Variants in USP12 observed in about 807,000 individuals in gnomAD.
USP12 encodes ubiquitin carboxyl-terminal hydrolase 12.
USP12 carries 19 observed loss-of-function variants against 45.5 expected under a neutral mutation model. The observed-to-expected ratio is 0.42, with a 90% confidence interval of 0.29 to 0.61. The LOEUF (loss-of-function observed/expected upper bound fraction) is 0.61, where lower values mean the gene tolerates loss of function less well. Among genes scored for constraint, USP12 ranks in the 20% least tolerant of loss-of-function variants. The pLI is 0.22. For synonymous variants in USP12, 149 were observed against 148.8 expected, an observed-to-expected ratio of 1.00 and a Z score of -0.01; for missense variants, 242 against 447.7, an observed-to-expected ratio of 0.54 and a Z score of 4.15.
intron 1 of USP12, among the ~76,000 whole-genome samples, chr13:27,123,476 C>T (rs768804373): frequency 2.0e-5 from 3 of 152,188 alleles, no homozygotes; most frequent in Admixed American, 6.5e-5. Flanking sequence ...CCATCCAATA[C>T]TAAGAATTTG....
intron 6 of USP12, 123 bp from the exon 7 acceptor site, chr13:27,075,511 C>A: frequency 1.2e-6 from 1 of 818,902 alleles, no homozygotes; most frequent in Admixed American, 2.9e-5. Context: ...CCCAGCAATG[C>A]CCAGTTTTGC....
chr13:27,150,681 G>A (rs1877527213), intron 1 of USP12, among the ~76,000 whole-genome samples: 2 of 152,202 alleles, frequency 1.3e-5, no homozygotes, highest in South Asian at 2.1e-4. Context: ...TATAACTGCA[G>A]TCATGACAGT....
At chr13:27,157,093 C>G (rs933794899) in intron 1 of USP12, among the ~76,000 whole-genome samples, 51 of 152,140 alleles carry the variant, frequency 3.4e-4, no homozygotes, top group Non-Finnish European at 4.6e-4. Context: ...CTAATAATAA[C>G]AAAGTAATCT....
At chr13:27,092,055 T>C (rs1444216194) in intron 4 of USP12, among the ~76,000 whole-genome samples, 1 of 152,218 alleles carries the variant, frequency 6.6e-6, no homozygotes, top group Non-Finnish European at 1.5e-5. Flanking sequence ...TAGGAGTATC[T>C]TGTGATCAGA....
chr13:27,129,945 C>G lies in USP12; in HGVS notation c.49-13349G>C, dbSNP rs1315831199. On this transcript the variant is annotated intron_variant, in intron 1 of 8. Coordinates refer to ENST00000282344, the MANE Select transcript of USP12 (RefSeq NM_182488.4). The surrounding 1 kb of genome is among the most constrained non-coding windows in gnomAD (Gnocchi z 4.0). ...GAGTAGAAAGCTCCCAGGGTTAGTC[C>G]TTCCACCAAAACCATTAAGCTGAAA... 6.6e-6 allele frequency among the ~76,000 whole-genome samples: 1 copy of G among 152,128 alleles called. No individual in the cohort carries two copies. Among genetic ancestry groups the G allele is most frequent in the East Asian group, 1.9e-4 (1 of 5,196 alleles).
chr13:27,170,159 GAACA>G (rs1294852772), intron 1 of USP12: 3 of 396,106 alleles, frequency 7.6e-6, no homozygotes, highest in Middle Eastern at 6.3e-4. Context: ...CTGTGAGAAA[GAACA>G]ATCATCCAGT....
chr13:27,109,307 A>G (rs542823430), intron 2 of USP12, among the ~76,000 whole-genome samples: 3 of 152,238 alleles, frequency 2.0e-5, no homozygotes, highest in African/African-American at 7.2e-5. Context: ...GAACAACTGA[A>G]TATTGTGTGT....
intron 1 of USP12, among the ~76,000 whole-genome samples, chr13:27,162,069 C>T (rs560518571): frequency 3.9e-5 from 6 of 152,110 alleles, no homozygotes; most frequent in Non-Finnish European, 8.8e-5. Context: ...TCCTACAGTC[C>T]ACAGTATCTT....
chr13:27,155,504 G>C (rs9581815), intron 1 of USP12, among the ~76,000 whole-genome samples: 1 of 152,122 alleles, frequency 6.6e-6, no homozygotes, highest in Non-Finnish European at 1.5e-5. Context: ...ATTACAAATA[G>C]AAATACAAAT....
chr13:27,122,494 T>C (rs1017975073), intron 1 of USP12, among the ~76,000 whole-genome samples: 1 of 149,028 alleles, frequency 6.7e-6, no homozygotes, highest in Non-Finnish European at 1.5e-5. Flanking sequence ...TTACCGAAAA[T>C]ACAAAAAACT....
intron 1 of USP12, among the ~76,000 whole-genome samples, chr13:27,171,184 G>A (rs552628336): frequency 3.1e-4 from 47 of 149,694 alleles, no homozygotes; most frequent in African/African-American, 1.1e-3. Flanking sequence ...ACCCCGGCCC[G>A]GGGCCGCGCT....
At position 27,067,487 on chromosome 13, in the gene USP12, G is replaced by C. The variant is rs1315815210; in HGVS notation, c.*1796C>G. Reference sequence around the variant, plus strand: ...AAGGCTTTAGGAACTATCTTAAAAAGAAACTTGTCAAAATACTTTTTGATA... The same window carrying C: ...AAGGCTTTAGGAACTATCTTAAAAACAAACTTGTCAAAATACTTTTTGATA... On this transcript the variant is annotated 3_prime_UTR_variant, in exon 9 of 9. Coordinates refer to ENST00000282344, the MANE Select transcript of USP12 (RefSeq NM_182488.4). The C allele has an allele frequency of 6.6e-6, 1 of 152,048 alleles. No individual in the cohort carries two copies. The highest frequency in any genetic ancestry group is 6.5e-5 in the Admixed American group (1 of 15,270). 9.4% of individuals were successfully genotyped at this position (152,048 alleles called of 1,614,324 possible). A position where few individuals can be genotyped will look rare whatever the true frequency, so the allele number is the denominator to read the frequency against.
Position 27,083,872 on chromosome 13 carries a change from A to G in USP12, c.734+6011T>C, listed in dbSNP as rs529993224. 3.9e-3 allele frequency among the ~76,000 whole-genome samples: 566 copies of G among 146,522 alleles called. 45 individuals are homozygous for G. In the South Asian group the frequency reaches 0.11, roughly 30 times the overall value. On this transcript the variant is annotated intron_variant, in intron 6 of 8. Transcript: ENST00000282344. The stretch of plus-strand genomic sequence containing the variant: ...TTTTTGGGAGAATATATATATATAT[A>G]TATTTTTTTGAGATGAAGTCTCACT...
At chr13:27,086,191 A>AT (rs1555233222) in intron 6 of USP12, among the ~76,000 whole-genome samples, 532 of 72,448 alleles carry the variant, frequency 7.3e-3, no homozygotes, top group East Asian at 0.014. Context: ...AAAAAAAAAA[A>AT]AAAAAAATAT....
At chr13:27,116,237 G>A (rs531791869) in intron 2 of USP12, among the ~76,000 whole-genome samples, 49 of 150,896 alleles carry the variant, frequency 3.2e-4, no homozygotes, top group African/African-American at 1.1e-3. Flanking sequence ...GCGTGAACCC[G>A]GGAGGCAGAC....
At chr13:27,150,983 CA>C (rs1283056835) in intron 1 of USP12, among the ~76,000 whole-genome samples, 1 of 151,980 alleles carries the variant, frequency 6.6e-6, no homozygotes, top group Non-Finnish European at 1.5e-5. Context: ...AGGATTGACA[CA>C]GGATTTGGCA....
rs187535531 is a variant in USP12 at position 27,155,105 on chromosome 13, G to A, written c.48+16487C>T. On this transcript the variant is annotated intron_variant, in intron 1 of 8. Transcript: ENST00000282344. ...TTTTTTTTTTTTTTTTTTTTGAGAC[G>A]GAACCTCGCTCTGTCACCCAGACTG... Among the ~76,000 whole-genome samples, 615 of 92,418 alleles carry A rather than the reference G, an allele frequency of 6.7e-3. 5 individuals carry two copies. The highest frequency in any genetic ancestry group is 0.026 in the African/African-American group (567 of 21,688). 60.6% of individuals were successfully genotyped at this position (92,418 alleles called of 152,430 possible).
At chr13:27,156,219 G>GAAAA (rs56139734) in intron 1 of USP12, among the ~76,000 whole-genome samples, 4 of 141,892 alleles carry the variant, frequency 2.8e-5, no homozygotes, top group Non-Finnish European at 4.6e-5. Flanking sequence ...CTCCTGCAAG[G>GAAAA]AAAAAAAAAA....
intron 1 of USP12, among the ~76,000 whole-genome samples, chr13:27,143,200 T>C (rs73159777): frequency 0.053 from 8,037 of 151,728 alleles, 257 homozygotes; most frequent in Non-Finnish European, 0.056. Context: ...AAAAGAATGA[T>C]TGTAATTGAT....
Sources: gnomAD v4.1 joint callset for allele counts (sites outside exome capture counted in the v4.1 genomes callset) on GRCh38, gnomAD v4.1.1 for gene constraint, Gnocchi (gnomAD v3.1) non-coding constraint, MANE v1.5 for transcripts, NCBI Gene and HGNC (gene_info 2026-07-23, HGNC 2026-07-21) for gene names.